ARL15: variants seen among roughly 807,000 people sequenced by gnomAD.
ARL15 encodes ADP-ribosylation factor-like protein 15.
ARL15 carries 19 observed loss-of-function variants against 25.2 expected under a neutral mutation model. The observed-to-expected ratio is 0.75, with a 90% CI of 0.53 to 1.10. The LOEUF (loss-of-function observed/expected upper bound fraction) is 1.10, where lower values mean the gene tolerates loss of function less well. Among genes scored for constraint, ARL15 ranks in the 50% least tolerant of loss-of-function variants. The pLI is 0.00. For synonymous variants in ARL15, 94 were observed against 86.8 expected (o/e 1.08, Z -0.46); for missense variants, 220 against 246.0 (o/e 0.89, Z 0.71).
chr5:53,931,748 A>T (rs1746201346), intron 4 of ARL15, among the ~76,000 whole-genome samples: 1 of 152,238 alleles, frequency 6.6e-6, no homozygotes, highest in Non-Finnish European at 1.5e-5. Flanking sequence ...AATGAGAATA[A>T]GTAGGGGTCA....
chr5:54,246,794 G>GCATACA (rs1554050200), intron 1 of ARL15, among the ~76,000 whole-genome samples: 1 of 97,408 alleles, frequency 1.0e-5, no homozygotes, highest in African/African-American at 3.7e-5. Flanking sequence ...TACAAAGCAT[G>GCATACA]CATACACACA....
At chr5:53,895,737 C>G (rs1744850346) in intron 4 of ARL15, among the ~76,000 whole-genome samples, 1 of 152,136 alleles carries the variant, frequency 6.6e-6, no homozygotes. Context: ...CCTTTGAATA[C>G]TCTTTGGGTG....
At chr5:54,125,445 C>T (rs1753218265) in intron 3 of ARL15, among the ~76,000 whole-genome samples, 1 of 152,158 alleles carries the variant, frequency 6.6e-6, no homozygotes, top group Non-Finnish European at 1.5e-5. Flanking sequence ...CCGAGACCCT[C>T]AGTCTAACGC....
At chr5:53,998,648 A>C (rs1395285682) in intron 4 of ARL15, among the ~76,000 whole-genome samples, 1 of 152,246 alleles carries the variant, frequency 6.6e-6, no homozygotes, top group Non-Finnish European at 1.5e-5. Flanking sequence ...TGAGGGCATG[A>C]AAAGTCTTTG....
intron 1 of ARL15, among the ~76,000 whole-genome samples, chr5:54,233,427 C>G (rs1756723550): frequency 6.6e-6 from 1 of 152,158 alleles, no homozygotes; most frequent in Non-Finnish European, 1.5e-5. Flanking sequence ...AAAATTCAAG[C>G]TTTCAAATGA....
chr5:53,907,490 T>TA (rs1561144007), intron 4 of ARL15, among the ~76,000 whole-genome samples: 32 of 30,410 alleles, frequency 1.1e-3, no homozygotes, highest in African/African-American at 1.6e-3. Flanking sequence ...ATATATATAT[T>TA]TTTTTTTTTT....
chr5:54,230,818 G>T (rs370889046), intron 1 of ARL15, among the ~76,000 whole-genome samples: 191 of 152,182 alleles, frequency 1.3e-3, no homozygotes, highest in Non-Finnish European at 2.4e-3. Flanking sequence ...GTCCTTTGTA[G>T]TTACAATGTG....
At chr5:54,190,574 A>T (rs1755371458) in intron 1 of ARL15, among the ~76,000 whole-genome samples, 1 of 152,196 alleles carries the variant, frequency 6.6e-6, no homozygotes. Flanking sequence ...GCCTTCTGCT[A>T]CATCTTCACA....
chr5:54,194,440 A>G (rs1755497048), intron 1 of ARL15, among the ~76,000 whole-genome samples: 1 of 152,122 alleles, frequency 6.6e-6, no homozygotes, highest in Non-Finnish European at 1.5e-5. Context: ...AGGATAGAAA[A>G]GACCTCAGAA....
chr5:54,239,793 C>G (rs1051192613), intron 1 of ARL15, among the ~76,000 whole-genome samples: 1 of 152,092 alleles, frequency 6.6e-6, no homozygotes, highest in Non-Finnish European at 1.5e-5. Flanking sequence ...GGTGAAGCAA[C>G]GAGATGGGAG....
chr5:54,095,807 G>A lies in ARL15; in HGVS notation c.462+17395C>T, dbSNP rs192793209. On this transcript the variant is annotated intron_variant, in intron 4 of 4. Coordinates refer to ENST00000504924, the MANE Select transcript of ARL15 (RefSeq NM_019087.3). ...ATGGCAACTGGGGCCTGTCCAAGTA[G>A]CAAAAAACATAAAAAAAACATCCAA... Among the ~76,000 whole-genome samples, 83 of 148,982 alleles carry A rather than the reference G, an allele frequency of 5.6e-4. No individual in the cohort carries two copies. The East Asian group carries it at 0.012, about 22-fold the overall frequency.
chr5:54,187,930 A>C (rs1312965715), intron 1 of ARL15, among the ~76,000 whole-genome samples: 11 of 152,230 alleles, frequency 7.2e-5, no homozygotes, highest in East Asian at 1.9e-4. Context: ...ATTGTTTGTC[A>C]CTAGCAGTGT....
At chr5:54,128,040 C>T (rs1456834594) in intron 3 of ARL15, among the ~76,000 whole-genome samples, 1 of 152,166 alleles carries the variant, frequency 6.6e-6, no homozygotes, top group Non-Finnish European at 1.5e-5. Context: ...TAATAAACTT[C>T]TGTTCGTTAT....
rs10042864 is a variant in ARL15, at chr5:54,040,923, T to G, written c.462+72279A>C. Reference sequence around the variant, plus strand: ...CCTTGTTTTTACTTTGTAACTCCTATTGTCTGAGCCAGATTCTCCTCAGGA... The same window carrying G: ...CCTTGTTTTTACTTTGTAACTCCTAGTGTCTGAGCCAGATTCTCCTCAGGA... On this transcript the variant is annotated intron_variant, in intron 4 of 4. Transcript: ENST00000504924. 8.5e-3 allele frequency among the ~76,000 whole-genome samples: 1,297 copies of G among 152,338 alleles called. 25 individuals carry two copies. Among genetic ancestry groups the G allele is most frequent in the African/African-American group, 0.03 (1,239 of 41,582 alleles).
intron 3 of ARL15, among the ~76,000 whole-genome samples, chr5:54,133,475 T>C (rs950882522): frequency 6.6e-6 from 1 of 152,092 alleles, no homozygotes; most frequent in Non-Finnish European, 1.5e-5. Flanking sequence ...CATGGCCAAA[T>C]ACGTGATTTG....
chr5:54,184,157 A>T (rs1372140708), intron 1 of ARL15, among the ~76,000 whole-genome samples: 5 of 128,312 alleles, frequency 3.9e-5, no homozygotes, highest in Non-Finnish European at 8.2e-5. Flanking sequence ...CTAAATGACG[A>T]ATTAATGGGT....
chr5:53,886,798 G>T, intron 4 of ARL15, 85 bp from the exon 5 acceptor site: 1 of 1,285,680 alleles, frequency 7.8e-7, no homozygotes, highest in Non-Finnish European at 1.1e-6. Context: ...TAAAGTAGGG[G>T]AATTTCGAGG....
chr5:53,906,013 G>A (rs774609746), intron 4 of ARL15, among the ~76,000 whole-genome samples: 2 of 152,198 alleles, frequency 1.3e-5, no homozygotes, highest in Non-Finnish European at 2.9e-5. Flanking sequence ...AGGAAAAGAT[G>A]TGGCTCTAGA....
intron 4 of ARL15, among the ~76,000 whole-genome samples, chr5:53,983,955 T>C (rs1748208078): frequency 6.6e-6 from 1 of 152,208 alleles, no homozygotes; most frequent in Admixed American, 6.5e-5. Flanking sequence ...AGCTTCCATT[T>C]ATGCTCTCTT....
Sources: allele counts gnomAD v4.1 joint callset (sites outside exome capture counted in the v4.1 genomes callset), GRCh38; gene constraint gnomAD v4.1.1; transcripts MANE v1.5; gene names NCBI Gene and HGNC (gene_info 2026-07-23, HGNC 2026-07-21).